TNPO2: variants seen among roughly 807,000 people sequenced by gnomAD.
TNPO2 encodes the protein transportin 2, also known as transportin-2.
A neutral mutation model predicts 111.1 loss-of-function variants in TNPO2; 16 were observed. The ratio of observed to expected loss-of-function variants is 0.14; its 90% CI spans 0.10 to 0.22. The LOEUF (loss-of-function observed/expected upper bound fraction) is 0.22. Among genes scored for constraint, TNPO2 ranks in the 10% least tolerant of loss-of-function variants. The pLI is 1.00. For missense variants in TNPO2, 530 were observed against 1,173.7 expected, an observed-to-expected ratio of 0.45 and a Z score of 8.01; for synonymous variants, 481 against 475.8, an observed-to-expected ratio of 1.01 and a Z score of -0.14.
intron 13 of TNPO2, among the ~76,000 whole-genome samples, chr19:12,709,055 A>AT (rs1421942668): frequency 6.6e-6 from 1 of 151,352 alleles, no homozygotes; most frequent in Admixed American, 6.6e-5. Context: ...AAAAAGAAAA[A>AT]AAAAAGAGGC....
chr19:12,713,036 C>A (rs569638743), intron 10 of TNPO2, among the ~76,000 whole-genome samples: 10 of 152,298 alleles, frequency 6.6e-5, no homozygotes, highest in African/African-American at 2.4e-4. Flanking sequence ...TAGGCGTGAG[C>A]CATGGCACTC....
At chr19:12,712,349 C>T (rs180700857) in intron 10 of TNPO2, among the ~76,000 whole-genome samples, 2 of 152,252 alleles carry the variant, frequency 1.3e-5, no homozygotes, top group African/African-American at 2.4e-5. Context: ...TCTCCCTTTC[C>T]CCGGGGGAGT....
intron 5 of TNPO2, among the ~76,000 whole-genome samples, chr19:12,716,832 A>T (rs941057547): frequency 6.6e-6 from 1 of 152,148 alleles, no homozygotes; most frequent in Admixed American, 6.6e-5. Context: ...GGAATCATCC[A>T]GGTTTCTGGG....
intron 12 of TNPO2, 125 bp from the exon 13 acceptor site, chr19:12,710,898 TG>T (rs2025999049): frequency 9.0e-7 from 1 of 1,104,988 alleles, no homozygotes; most frequent in South Asian, 1.8e-5. Context: ...TCTTTTTTTT[TG>T]TTTTGTTTTT....
At chr19:12,716,450 A>AC (rs2026370590) in intron 5 of TNPO2, among the ~76,000 whole-genome samples, 1 of 152,012 alleles carries the variant, frequency 6.6e-6, no homozygotes, top group African/African-American at 2.4e-5. Context: ...ACATGGTGAA[A>AC]CCCCATCTCT....
In TNPO2 at chr19:12,700,881, C is replaced by G. The variant is rs529994205; in HGVS notation, c.*383G>C. The G allele has an allele frequency of 2.9e-4, 50 of 172,002 alleles. No homozygotes were observed. In the East Asian group the frequency reaches 8.0e-3, roughly 27 times the overall value. The allele number at this position is 172,002 out of a possible 1,614,324, so 10.7% of individuals were successfully genotyped here. ...GTCCGTGTGAGTGTACGCGTCCCTA[C>G]GAGGGCCCCCCTCCTGACCTGCTCC... On this transcript the variant is annotated 3_prime_UTR_variant, in exon 26 of 26. Coordinates refer to ENST00000425528, the MANE Select transcript of TNPO2 (RefSeq NM_001382241.1).
chr19:12,706,096 T>TCACGGC lies in TNPO2; in HGVS notation c.1668+94_1668+99dup. 7.3e-7 allele frequency: 1 copy of TCACGGC among 1,379,198 alleles called. No homozygotes were observed. Among genetic ancestry groups the TCACGGC allele is most frequent in the East Asian group, 2.4e-5 (1 of 41,246 alleles). 85.4% of individuals were successfully genotyped at this position (1,379,198 alleles called of 1,614,324 possible). The stretch of plus-strand genomic sequence containing the variant: ...GGGTCTGTCTGTCTGCCTGTCGAGG[T>TCACGGC]CACGGCCACGTCCCTGGCGTGCAAC... On this transcript the variant is annotated intron_variant, in intron 15 of 25. Coordinates refer to ENST00000425528, the MANE Select transcript of TNPO2 (RefSeq NM_001382241.1). This position sits in a 1 kb window ranked among gnomAD's most constrained non-coding sequence, Gnocchi z 7.0.
In TNPO2 at chr19:12,705,815, A is replaced by C. The variant is rs866913674; in HGVS notation, c.1669-47T>G. 41 of 1,341,060 alleles carry C rather than the reference A, an allele frequency of 3.1e-5. No homozygotes were observed. In the Middle Eastern group the frequency reaches 3.0e-3, roughly 99 times the overall value. 83.1% of individuals were successfully genotyped at this position (1,341,060 alleles called of 1,614,324 possible). A position where few individuals can be genotyped will look rare whatever the true frequency, so the allele number is the denominator to read the frequency against. ...GGCGCTCCCTGGGTCGGGGTGGCAGACTGTGACTCAGGTACCTGTTGCCCG... is the reference window on the plus strand; with the variant it reads ...GGCGCTCCCTGGGTCGGGGTGGCAGCCTGTGACTCAGGTACCTGTTGCCCG... On this transcript the variant is annotated intron_variant, in intron 15 of 25. Transcript: ENST00000425528. This position sits in a 1 kb window ranked among gnomAD's most constrained non-coding sequence, Gnocchi z 7.2.
chr19:12,704,434 G>A (rs1456914049), intron 18 of TNPO2, among the ~76,000 whole-genome samples: 1 of 152,166 alleles, frequency 6.6e-6, no homozygotes, highest in Non-Finnish European at 1.5e-5. Context: ...ACATTCTCCT[G>A]TACACTTAGC....
rs989945964 is a variant in TNPO2 at position 12,705,957 on chromosome 19, A to AC, written c.1669-190dup. The AC allele has an allele frequency of 1.1e-5, 5 of 471,310 alleles. No individual in the cohort carries two copies. Among genetic ancestry groups the AC allele is most frequent in the Admixed American group, 7.0e-5 (2 of 28,500 alleles). The allele number at this position is 471,310 out of a possible 1,614,324, so 29.2% of individuals were successfully genotyped here. ...GTCCAAGCACCGCCCGCCCCACCCCACCCCCCGGGAGCCTGGGTTACCACC... is the reference window on the plus strand; with the variant it reads ...GTCCAAGCACCGCCCGCCCCACCCCACCCCCCCGGGAGCCTGGGTTACCACC... On this transcript the variant is annotated intron_variant, in intron 15 of 25. Coordinates refer to ENST00000425528, the MANE Select transcript of TNPO2 (RefSeq NM_001382241.1). This position sits in a 1 kb window ranked among gnomAD's most constrained non-coding sequence, Gnocchi z 7.2.
intron 13 of TNPO2, among the ~76,000 whole-genome samples, chr19:12,707,433 A>C (rs2145503769): frequency 6.6e-6 from 1 of 152,028 alleles, no homozygotes; most frequent in South Asian, 2.1e-4. Context: ...AAATGGAATA[A>C]AAGCACTTTG....
rs56817777 is a variant in TNPO2, at chr19:12,707,479, CTTTTTTTTTTTT to C, written c.1271-696_1271-685del. Among the ~76,000 whole-genome samples, 643 of 75,026 alleles carry C rather than the reference CTTTTTTTTTTTT, an allele frequency of 8.6e-3. 6 individuals are homozygous for C. Among genetic ancestry groups the C allele is most frequent in the African/African-American group, 0.03 (567 of 18,690 alleles). 49.2% of individuals were successfully genotyped at this position (75,026 alleles called of 152,430 possible). ...AGTTCTTAAGATGTTTGTGAGTTTT[CTTTTTTTTTTTT>C]TTTTTTTTTTTTTTTTGAGATGGAG... On this transcript the variant is annotated intron_variant, in intron 13 of 25. Coordinates refer to ENST00000425528, the MANE Select transcript of TNPO2 (RefSeq NM_001382241.1).
chr19:12,717,460 T>C (rs951165981), intron 5 of TNPO2, among the ~76,000 whole-genome samples: 1 of 151,480 alleles, frequency 6.6e-6, no homozygotes, highest in Non-Finnish European at 1.5e-5. Flanking sequence ...TTAGTAGAGA[T>C]AGAGTTTCAC....
rs1267207077 is a variant in TNPO2, at chr19:12,710,640, C to T, written c.1251G>A (p.Val417=). The change falls in exon 13 of 26, where the codon GTG becomes GTA. Residue 417 remains valine, a synonymous_variant. Transcript: ENST00000425528. ...ACTCACCCTCAGCAATGGCGCCCAG[C>T]ACCAGGATGCCCGACTCCTTGACCA... is the stretch of plus-strand genomic sequence containing the variant. ...EWVVKESGIL[V]LGAIAEGCMQ... The T allele has an allele frequency of 1.1e-5, 18 of 1,613,570 alleles. No homozygotes were observed. Among genetic ancestry groups the T allele is most frequent in the Non-Finnish European group, 1.4e-5 (17 of 1,179,762 alleles).
At position 12,715,200 on chromosome 19, in the gene TNPO2, G is replaced by A; in HGVS notation, c.649-31C>T. 1 of 1,613,750 alleles carries A rather than the reference G, an allele frequency of 6.2e-7. No homozygotes were observed. Among genetic ancestry groups the A allele is most frequent in the Non-Finnish European group, 8.5e-7 (1 of 1,179,788 alleles). ...GGGAGGAACAGGGTCAGTTGTAGGG[G>A]CCCTCAGTCCTCGCCCTGCCCACCC... On this transcript the variant is annotated intron_variant, in intron 8 of 25. Coordinates refer to ENST00000425528, the MANE Select transcript of TNPO2 (RefSeq NM_001382241.1). The surrounding 1 kb of genome is among the most constrained non-coding windows in gnomAD (Gnocchi z 7.1).
intron 13 of TNPO2, among the ~76,000 whole-genome samples, chr19:12,708,777 A>T (rs1394892829): frequency 6.6e-6 from 1 of 152,080 alleles, no homozygotes; most frequent in African/African-American, 2.4e-5. Context: ...AGGCTGAGGC[A>T]GGAGAATCTC....
Position 12,706,655 on chromosome 19 carries a change from G to T in TNPO2, c.1411C>A (p.Pro471Thr). ...ATCAGGGGCTTGAGGTGCATGTCGG[G>T]TGGCTGGCTGACCACCCAGTGGGCA... Reference protein sequence around the residue: ...RYAHWVVSQPPDMHLKPLMTE... With the variant: ...RYAHWVVSQPTDMHLKPLMTE... Residue 471 changes from proline to threonine, a missense_variant, in exon 14 of 26, where the codon CCC (proline) becomes ACC (threonine). Transcript: ENST00000425528. The surrounding 1 kb of genome is among the most constrained non-coding windows in gnomAD (Gnocchi z 7.0). 6.2e-7 allele frequency: 1 copy of T among 1,613,984 alleles called. No individual in the cohort carries two copies. The highest frequency in any genetic ancestry group is 8.5e-7 in the Non-Finnish European group (1 of 1,179,884).
rs1195442529 is a variant in TNPO2 at position 12,699,455 on chromosome 19, GTTTTT to G, written c.*1804_*1808del. 9.9e-5 allele frequency: 13 copies of G among 131,822 alleles called. No individual in the cohort carries two copies. The highest frequency in any genetic ancestry group is 4.3e-4 in the African/African-American group (13 of 30,134). 8.2% of individuals were successfully genotyped at this position (131,822 alleles called of 1,614,324 possible). On this transcript the variant is annotated 3_prime_UTR_variant, in exon 26 of 26. Coordinates refer to ENST00000425528, the MANE Select transcript of TNPO2 (RefSeq NM_001382241.1). ...CAAAAATAAATTAAAAAATTAAATA[GTTTTT>G]TTTTAAAAAAAAAAAAAAAAAGGAA...
At chr19:12,723,197 C>T (rs775973550) in intron 2 of TNPO2, 52 bp downstream of exon 2, 1 of 152,128 alleles carries the variant, frequency 6.6e-6, no homozygotes, top group Admixed American at 6.6e-5. Flanking sequence ...TTGAATAAAA[C>T]GAAATGAACT....
Sources: gnomAD v4.1 joint callset for allele counts (sites outside exome capture counted in the v4.1 genomes callset) on GRCh38, gnomAD v4.1.1 for gene constraint, Gnocchi (gnomAD v3.1) non-coding constraint, MANE v1.5 for transcripts, NCBI Gene and HGNC (gene_info 2026-07-23, HGNC 2026-07-21) for gene names.